The following NOL4L variants were observed in gnomAD, a reference collection of about 807,000 sequenced individuals.
The protein encoded by NOL4L is nucleolar protein 4 like.
Under a neutral mutation model 64.5 loss-of-function variants are expected in NOL4L, and 7 were observed. The observed-to-expected ratio is 0.11, with a 90% CI of 0.06 to 0.20. The LOEUF is 0.20. Ranked by LOEUF, NOL4L falls within the 10% of genes least tolerant of loss-of-function variation. The pLI, the probability that NOL4L is intolerant of heterozygous loss-of-function variation, is 1.00. For synonymous variants in NOL4L, 413 were observed against 401.0 expected, an observed-to-expected ratio of 1.03 and a Z score of -0.36; for missense variants, 680 against 967.1, an observed-to-expected ratio of 0.70 and a Z score of 3.94.
intron 1 of NOL4L, chr20:32,572,488 A>T (rs139829775): frequency 6.6e-6 from 1 of 152,384 alleles, no homozygotes; most frequent in Non-Finnish European, 1.5e-5. Flanking sequence ...GAATGGAAGA[A>T]GTTAAGATGG....
At position 32,584,899 on chromosome 20, in the gene NOL4L, C is replaced by T. The variant is rs1395068055; in HGVS notation, c.-9G>A. The T allele has an allele frequency of 8.2e-7, 1 of 1,226,966 alleles. No individual in the cohort carries two copies. Among genetic ancestry groups the T allele is most frequent in the Non-Finnish European group, 1.0e-6 (1 of 986,068 alleles). The allele number at this position is 1,226,966 out of a possible 1,614,324, so 76.0% of individuals were successfully genotyped here. ...AGCGTCGGCTTCGGCATCCTCCCGC[C>T]GCGCCCGGCGCCCTCGGGGGCGGGC... On this transcript the variant is annotated 5_prime_UTR_variant, in exon 1 of 11. Coordinates refer to ENST00000621426, the MANE Select transcript of NOL4L (RefSeq NM_001256798.2).
At chr20:32,520,474 G>A (rs1221754132) in intron 3 of NOL4L, among the ~76,000 whole-genome samples, 1 of 152,172 alleles carries the variant, frequency 6.6e-6, no homozygotes, top group African/African-American at 2.4e-5. Context: ...GCAGTGGGAG[G>A]CATGGATGGA....
At chr20:32,541,008 TACACACAC>T (rs10675320) in intron 1 of NOL4L, among the ~76,000 whole-genome samples, 98 of 133,600 alleles carry the variant, frequency 7.3e-4, no homozygotes, top group African/African-American at 2.1e-3. Flanking sequence ...CGCCACCCCC[TACACACAC>T]ACACACACAC....
intron 1 of NOL4L, among the ~76,000 whole-genome samples, chr20:32,535,022 C>A (rs976703551): frequency 6.6e-6 from 1 of 151,640 alleles, no homozygotes; most frequent in African/African-American, 2.4e-5. Context: ...AGGGGCCCCA[C>A]AGGGAAAGGA....
At chr20:32,511,078 TCCCCTCCTC>T (rs1185742503) in intron 4 of NOL4L, 3 of 333,102 alleles carry the variant, frequency 9.0e-6, no homozygotes, top group Non-Finnish European at 1.7e-5. Flanking sequence ...CCCTTCCACG[TCCCCTCCTC>T]CCCCTCCTCC....
intron 3 of NOL4L, among the ~76,000 whole-genome samples, chr20:32,518,539 G>A (rs1049579646): frequency 5.3e-5 from 8 of 152,246 alleles, no homozygotes; most frequent in African/African-American, 1.7e-4. Context: ...CCATACTGCC[G>A]TGGGATGTGT....
At chr20:32,562,366 C>T (rs1015471355) in intron 1 of NOL4L, among the ~76,000 whole-genome samples, 12 of 152,350 alleles carry the variant, frequency 7.9e-5, no homozygotes, top group African/African-American at 2.2e-4. Context: ...CTGCCCCAAA[C>T]ATTCCTGGGC....
At chr20:32,529,100 T>C (rs2018250362) in intron 1 of NOL4L, among the ~76,000 whole-genome samples, 1 of 152,174 alleles carries the variant, frequency 6.6e-6, no homozygotes, top group Non-Finnish European at 1.5e-5. Context: ...TGAGTGGTCA[T>C]AAGTGGCAGC....
rs2018508153 is a variant in NOL4L, at chr20:32,535,964, C to T, written c.322-8051G>A. The T allele has an allele frequency of 4.1e-6, 4 of 985,564 alleles. No homozygotes were observed. The South Asian group carries it at 1.9e-4, about 46-fold the overall frequency. 61.1% of individuals were successfully genotyped at this position (985,564 alleles called of 1,614,324 possible). On this transcript the variant is annotated intron_variant, in intron 1 of 10. Coordinates refer to ENST00000621426, the MANE Select transcript of NOL4L (RefSeq NM_001256798.2). ...CTGGCGGGGGCAGGGAGAGGGTCCA[C>T]AGGAGGGTGCTGTAGAGGTGAAGTC...
At chr20:32,480,826 G>C (rs1357346910) in intron 4 of NOL4L, among the ~76,000 whole-genome samples, 2 of 152,160 alleles carry the variant, frequency 1.3e-5, no homozygotes, top group African/African-American at 4.8e-5. Flanking sequence ...ACAGCTCCTG[G>C]GGGGTGTGGG....
chr20:32,496,223 G>T (rs982863624), intron 4 of NOL4L, among the ~76,000 whole-genome samples: 1 of 152,152 alleles, frequency 6.6e-6, no homozygotes, highest in African/African-American at 2.4e-5. Flanking sequence ...GCTGTCTCCT[G>T]TGCCTGGAAA....
At chr20:32,480,548 T>G (rs1277172121) in intron 4 of NOL4L, among the ~76,000 whole-genome samples, 2 of 152,288 alleles carry the variant, frequency 1.3e-5, no homozygotes, top group East Asian at 3.9e-4. Context: ...CCCCTCCTTC[T>G]GGACACCTGT....
At chr20:32,582,164 G>A (rs1049412322) in intron 1 of NOL4L, 1 of 152,228 alleles carries the variant, frequency 6.6e-6, no homozygotes, top group African/African-American at 2.4e-5. Context: ...CCAGGCAGGC[G>A]GGCGTGGGGA....
At chr20:32,457,054 G>A (rs367715999) in intron 5 of NOL4L, among the ~76,000 whole-genome samples, 26 of 152,360 alleles carry the variant, frequency 1.7e-4, no homozygotes, top group East Asian at 9.6e-4. Flanking sequence ...TGCAAGGTCT[G>A]GGGTCTGCAC....
chr20:32,576,009 C>G (rs1397600926), intron 1 of NOL4L, among the ~76,000 whole-genome samples: 1 of 152,226 alleles, frequency 6.6e-6, no homozygotes, highest in Non-Finnish European at 1.5e-5. Context: ...GAATAGCAAA[C>G]AGGCCAGTGT....
At chr20:32,565,870 C>T (rs935158596) in intron 1 of NOL4L, among the ~76,000 whole-genome samples, 9 of 151,204 alleles carry the variant, frequency 6.0e-5, no homozygotes, top group African/African-American at 2.2e-4. Flanking sequence ...TCTCTAAAAA[C>T]AAACAAACAA....
chr20:32,537,015 C>T, intron 1 of NOL4L: 1 of 973,252 alleles, frequency 1.0e-6, no homozygotes, highest in Non-Finnish European at 1.2e-6. Flanking sequence ...CCTCGCGTCC[C>T]CCTTCCGGCC....
At chr20:32,505,641 G>A (rs928018650) in intron 4 of NOL4L, among the ~76,000 whole-genome samples, 6 of 152,324 alleles carry the variant, frequency 3.9e-5, no homozygotes, top group Admixed American at 6.5e-5. Context: ...GATTGAGCCC[G>A]GGAGGGCAAG....
chr20:32,575,751 A>C (rs1312783577), intron 1 of NOL4L, among the ~76,000 whole-genome samples: 1 of 152,174 alleles, frequency 6.6e-6, no homozygotes, highest in African/African-American at 2.4e-5. Context: ...AAATACACAT[A>C]ATGTCAGGCA....
Sources: allele counts gnomAD v4.1 joint callset (sites outside exome capture counted in the v4.1 genomes callset), GRCh38; gene constraint gnomAD v4.1.1; transcripts MANE v1.5; gene names NCBI Gene and HGNC (gene_info 2026-07-23, HGNC 2026-07-21).